PMF1: variants seen among roughly 807,000 people sequenced by gnomAD.
PMF1 encodes the protein polyamine modulated factor 1, also known as polyamine-modulated factor 1.
A neutral mutation model predicts 26.7 loss-of-function variants in PMF1; 21 were observed. The ratio of observed to expected loss-of-function variants is 0.79; its 90% CI spans 0.56 to 1.13. PMF1 has a LOEUF of 1.13. Among genes scored for constraint, PMF1 ranks in the 50% most tolerant of loss-of-function variants. PMF1 has a pLI of 0.00. For missense variants in PMF1, 266 were observed against 254.9 expected, an observed-to-expected ratio of 1.04 and a Z score of -0.30; for synonymous variants, 105 against 101.0, an observed-to-expected ratio of 1.04 and a Z score of -0.24.
chr1:156,231,475 G>T (rs1381665916), intron 1 of PMF1, among the ~76,000 whole-genome samples: 3 of 151,912 alleles, frequency 2.0e-5, no homozygotes, highest in Admixed American at 6.6e-5. Context: ...GGCTGAGGCG[G>T]GTGGATCACC....
At chr1:156,227,402 GC>G (rs1272565568) in intron 1 of PMF1, among the ~76,000 whole-genome samples, 27 of 151,846 alleles carry the variant, frequency 1.8e-4, no homozygotes, top group African/African-American at 6.5e-4. Flanking sequence ...TACCTGGGAG[GC>G]TGAGGCATGA....
At chr1:156,236,849 T>C (rs1361864751) in intron 4 of PMF1, 2 of 253,308 alleles carry the variant, frequency 7.9e-6, no homozygotes, top group African/African-American at 4.4e-5. Flanking sequence ...AACATAGATA[T>C]ATATATTCTA....
chr1:156,232,280 G>T, intron 1 of PMF1, 40 bp from the exon 2 acceptor site: 1 of 1,600,098 alleles, frequency 6.2e-7, no homozygotes, highest in Admixed American at 1.7e-5. Flanking sequence ...CCGGCCTCAT[G>T]CTTGGCCCTC....
At chr1:156,239,460 A>T (rs1002539125) in intron 4 of PMF1, 88 bp from the exon 5 acceptor site, 2 of 1,025,926 alleles carry the variant, frequency 1.9e-6, no homozygotes, top group Admixed American at 3.6e-5. Context: ...CCTGGGGGAA[A>T]CCCCAGGCCT....
intron 1 of PMF1, among the ~76,000 whole-genome samples, chr1:156,229,177 G>C (rs914597957): frequency 2.6e-5 from 4 of 152,120 alleles, no homozygotes; most frequent in African/African-American, 9.7e-5. Flanking sequence ...CAAAGTGCTA[G>C]GAATACAGGC....
At chr1:156,234,154 C>A (rs1394194326) in intron 3 of PMF1, among the ~76,000 whole-genome samples, 1 of 152,190 alleles carries the variant, frequency 6.6e-6, no homozygotes, top group African/African-American at 2.4e-5. Flanking sequence ...TGAGAGAGAA[C>A]CTTTTGACAG....
chr1:156,227,212 AT>A (rs953502154), intron 1 of PMF1, among the ~76,000 whole-genome samples: 2 of 151,854 alleles, frequency 1.3e-5, no homozygotes, highest in Non-Finnish European at 2.9e-5. Context: ...TGAATTAAAA[AT>A]TTTTTTTTGG....
intron 1 of PMF1, 119 bp from the exon 2 acceptor site, chr1:156,232,201 C>T (rs1658748559): frequency 1.2e-6 from 1 of 854,214 alleles, no homozygotes; most frequent in Admixed American, 1.9e-5. Flanking sequence ...TGGCTTTAAC[C>T]AGGGCCATGA....
chr1:156,228,770 G>C (rs1658529860), intron 1 of PMF1, among the ~76,000 whole-genome samples: 1 of 152,142 alleles, frequency 6.6e-6, no homozygotes, highest in Admixed American at 6.5e-5. Context: ...TGCTTGGTCA[G>C]CATCATGTGT....
chr1:156,227,145 C>G (rs981695313), intron 1 of PMF1, among the ~76,000 whole-genome samples: 4 of 152,290 alleles, frequency 2.6e-5, no homozygotes, highest in Non-Finnish European at 5.9e-5. Flanking sequence ...TCCTTGTCCA[C>G]AAGGATATTA....
chr1:156,226,262 C>T (rs1405036808), intron 1 of PMF1, among the ~76,000 whole-genome samples: 2 of 152,164 alleles, frequency 1.3e-5, no homozygotes, highest in African/African-American at 4.8e-5. Context: ...GCGTTGGCCT[C>T]CCAAGAAAAA....
chr1:156,217,663 A>G (rs1431032775), intron 1 of PMF1, among the ~76,000 whole-genome samples: 1 of 149,464 alleles, frequency 6.7e-6, no homozygotes, highest in East Asian at 2.1e-4. Context: ...GAGGCGGGGA[A>G]GTTGCAGTGA....
intron 1 of PMF1, among the ~76,000 whole-genome samples, chr1:156,228,256 ATTT>A (rs772709878): frequency 2.1e-4 from 7 of 33,562 alleles, no homozygotes; most frequent in Non-Finnish European, 3.4e-4. Flanking sequence ...GCACCTGGCG[ATTT>A]TTTTTTTTTT....
intron 4 of PMF1, 170 bp downstream of exon 4, chr1:156,236,653 C>G: frequency 1.2e-6 from 1 of 837,756 alleles, no homozygotes; most frequent in Non-Finnish European, 1.8e-6. Context: ...GCAGTAGCCT[C>G]TGCCAGCCTC....
intron 1 of PMF1, among the ~76,000 whole-genome samples, chr1:156,226,142 A>G (rs996522036): frequency 6.6e-6 from 1 of 152,012 alleles, no homozygotes; most frequent in Non-Finnish European, 1.5e-5. Context: ...GGTATGAGCC[A>G]CTGTGCCTGG....
In PMF1 at chr1:156,213,193, C is replaced by T. The variant is rs781023143; in HGVS notation, c.161+17C>T. ...CGCCGGCAGGTAAAGTGGACGCAGC[C>T]GCGGTGGGAGTGTTTGTTGGCACCG... is the stretch of plus-strand genomic sequence containing the variant. On this transcript the variant is annotated intron_variant, in intron 1 of 4. Transcript: ENST00000368277. The T allele has an allele frequency of 1.1e-5, 17 of 1,610,946 alleles. No individual in the cohort carries two copies. Among genetic ancestry groups the T allele is most frequent in the Non-Finnish European group, 8.5e-6 (10 of 1,177,750 alleles).
chr1:156,219,773 A>G (rs1230181188), intron 1 of PMF1, among the ~76,000 whole-genome samples: 2 of 151,990 alleles, frequency 1.3e-5, no homozygotes, highest in Non-Finnish European at 2.9e-5. Context: ...TCTTTGAGAC[A>G]GGGTCATGCT....
At chr1:156,235,057 C>A (rs1213374069) in intron 3 of PMF1, among the ~76,000 whole-genome samples, 1 of 152,072 alleles carries the variant, frequency 6.6e-6, no homozygotes, top group African/African-American at 2.4e-5. Flanking sequence ...TTTGTAATTT[C>A]CAATTTTTAA....
At position 156,232,356 on chromosome 1, in the gene PMF1, C is replaced by T. The variant is rs779999937; in HGVS notation, c.198C>T (p.Tyr66=). 2.4e-5 allele frequency: 38 copies of T among 1,614,010 alleles called. No individual in the cohort carries two copies. Among genetic ancestry groups the T allele is most frequent in the Non-Finnish European group, 3.2e-5 (38 of 1,179,976 alleles). The part of the protein sequence containing the change: ...QRFTDCYKCF[Y]QLQPAMTQQI... The stretch of plus-strand genomic sequence containing the variant: ...TCACTGACTGCTATAAGTGCTTCTA[C>T]CAGTTGCAGCCTGCGATGACACAGC... The change falls in exon 2 of 5, where the codon TAC becomes TAT. Residue 66 remains tyrosine, a synonymous_variant. Transcript: ENST00000368277.
Sources: gnomAD v4.1 joint callset for allele counts (sites outside exome capture counted in the v4.1 genomes callset) on GRCh38, gnomAD v4.1.1 for gene constraint, MANE v1.5 for transcripts, NCBI Gene and HGNC (gene_info 2026-07-23, HGNC 2026-07-21) for gene names.